Variants in PIN1 observed in about 807,000 individuals in gnomAD.
PIN1 encodes peptidyl-prolyl cis-trans isomerase NIMA-interacting 1.
Under a neutral mutation model 19.9 loss-of-function variants are expected in PIN1, and 8 were observed. The observed-to-expected ratio is 0.40, with a 90% CI of 0.24 to 0.72. The LOEUF is 0.72. PIN1 is among the 30% of genes least tolerant of loss of function. The pLI is 0.37. For missense variants in PIN1, 185 were observed against 226.5 expected, an observed-to-expected ratio of 0.82 and a Z score of 1.18; for synonymous variants, 86 against 90.8, an observed-to-expected ratio of 0.95 and a Z score of 0.30.
chr19:9,843,998 C>T (rs1017551464), intron 2 of PIN1, among the ~76,000 whole-genome samples: 4 of 151,920 alleles, frequency 2.6e-5, no homozygotes, highest in African/African-American at 4.8e-5. Context: ...CACAGTGAGC[C>T]GAGATTGTAC....
In PIN1 at chr19:9,838,035, A is replaced by G. The variant is rs1204119546; in HGVS notation, c.59-401A>G. On this transcript the variant is annotated intron_variant, in intron 1 of 3. Transcript: ENST00000247970. This position sits in a 1 kb window ranked among gnomAD's most constrained non-coding sequence, Gnocchi z 5.8. ...AGGTGAGAACACCAAGGCCCAGGGAAGATATATCACATTTGAACCCAGATT... is the reference window on the plus strand; with the variant it reads ...AGGTGAGAACACCAAGGCCCAGGGAGGATATATCACATTTGAACCCAGATT... 1.3e-5 allele frequency: 4 copies of G among 308,114 alleles called. No homozygotes were observed. The highest frequency in any genetic ancestry group is 1.2e-4 in the South Asian group (4 of 32,956). 19.1% of individuals were successfully genotyped at this position (308,114 alleles called of 1,614,324 possible). A position where few individuals can be genotyped will look rare whatever the true frequency, so the allele number is the denominator to read the frequency against.
rs751440071 is a variant in PIN1, at chr19:9,836,899, A to G, written c.58+1497A>G. 2.6e-5 allele frequency: 33 copies of G among 1,255,044 alleles called. No homozygotes were observed. The East Asian group carries it at 9.5e-4, about 36-fold the overall frequency. 77.7% of individuals were successfully genotyped at this position (1,255,044 alleles called of 1,614,324 possible). A position where few individuals can be genotyped will look rare whatever the true frequency, so the allele number is the denominator to read the frequency against. On this transcript the variant is annotated intron_variant, in intron 1 of 3. Coordinates refer to ENST00000247970, the MANE Select transcript of PIN1 (RefSeq NM_006221.4). ...AGGTGAGGTCTCCGTTTTGCCATCT[A>G]TACAATAGAGATAATAAAGGCTATC...
At chr19:9,847,599 C>T (rs2046231512) in intron 2 of PIN1, among the ~76,000 whole-genome samples, 1 of 152,200 alleles carries the variant, frequency 6.6e-6, no homozygotes, top group Admixed American at 6.5e-5. Flanking sequence ...CCCAGGGGGC[C>T]CGGGGGGCCA....
intron 1 of PIN1, chr19:9,836,736 T>C (rs2062897401): frequency 2.3e-5 from 20 of 868,752 alleles, no homozygotes; most frequent in Non-Finnish European, 3.1e-5. Context: ...TGCAACACCA[T>C]GCACGGTGTA....
chr19:9,848,421 C>T (rs972831699), intron 3 of PIN1: 2 of 455,162 alleles, frequency 4.4e-6, no homozygotes, highest in Non-Finnish European at 8.1e-6. Context: ...CCCAGGCCCA[C>T]CAAGGTGGGT....
At position 9,842,729 on chromosome 19, in the gene PIN1, G is replaced by A. The variant is rs192767755; in HGVS notation, c.271+4081G>A. 2.0e-4 allele frequency among the ~76,000 whole-genome samples: 30 copies of A among 152,336 alleles called. No individual in the cohort carries two copies. In the East Asian group the frequency reaches 4.2e-3, roughly 22 times the overall value. ...AGGTGGCCCCGGCCGAGGTACACTC[G>A]GTAACAGATCATCATGTGCAGTGTC... is the stretch of plus-strand genomic sequence containing the variant. On this transcript the variant is annotated intron_variant, in intron 2 of 3. Transcript: ENST00000247970.
intron 2 of PIN1, among the ~76,000 whole-genome samples, chr19:9,847,550 G>A (rs2046230894): frequency 6.6e-6 from 1 of 152,236 alleles, no homozygotes; most frequent in Non-Finnish European, 1.5e-5. Flanking sequence ...GGCTGCCGTG[G>A]CAGTGCTGGG....
intron 2 of PIN1, among the ~76,000 whole-genome samples, chr19:9,843,018 T>A (rs1274643913): frequency 6.6e-6 from 1 of 152,258 alleles, no homozygotes; most frequent in Non-Finnish European, 1.5e-5. Flanking sequence ...CTGCAGCTGC[T>A]GGGCCACAGC....
In PIN1 at chr19:9,846,060, G is replaced by A. The variant is rs1369156259; in HGVS notation, c.272-1970G>A. 6.6e-6 allele frequency among the ~76,000 whole-genome samples: 1 copy of A among 152,152 alleles called. No homozygotes were observed. Among genetic ancestry groups the A allele is most frequent in the East Asian group, 1.9e-4 (1 of 5,192 alleles). ...GAGATACCTAGAAGTTCAGGGAGAG[G>A]AGGGGTGGGAGGGGGTCCTAGCAAC... is the stretch of plus-strand genomic sequence containing the variant. On this transcript the variant is annotated intron_variant, in intron 2 of 3. Coordinates refer to ENST00000247970, the MANE Select transcript of PIN1 (RefSeq NM_006221.4). The surrounding 1 kb of genome is among the most constrained non-coding windows in gnomAD (Gnocchi z 5.9).
chr19:9,849,440 A>G lies in PIN1; in HGVS notation c.*241A>G. Reference sequence around the variant, plus strand: ...TCTCCCTTAAGGAATTGACTTCAGCAGGGGTGGGAGGCTCCCAGACCCAGG... The same window carrying G: ...TCTCCCTTAAGGAATTGACTTCAGCGGGGGTGGGAGGCTCCCAGACCCAGG... On this transcript the variant is annotated 3_prime_UTR_variant, in exon 4 of 4. Transcript: ENST00000247970. 1 of 734,018 alleles carries G rather than the reference A, an allele frequency of 1.4e-6. No homozygotes were observed. The highest frequency in any genetic ancestry group is 2.6e-5 in the East Asian group (1 of 39,042). 45.5% of individuals were successfully genotyped at this position (734,018 alleles called of 1,614,324 possible).
rs781117286 is a variant in PIN1 at position 9,849,550 on chromosome 19, G to C, written c.*351G>C. On this transcript the variant is annotated 3_prime_UTR_variant, in exon 4 of 4. Transcript: ENST00000247970. Reference sequence around the variant, plus strand: ...CCCCCCAGGTGCTGGAGGCAGACTCGAGGGCCGAATTGTTTCTAGTTAGGC... The same window carrying C: ...CCCCCCAGGTGCTGGAGGCAGACTCCAGGGCCGAATTGTTTCTAGTTAGGC... The C allele has an allele frequency of 3.3e-6, 2 of 601,838 alleles. No individual in the cohort carries two copies. 37.3% of individuals were successfully genotyped at this position (601,838 alleles called of 1,614,324 possible).
At chr19:9,840,823 C>G (rs2046158603) in intron 2 of PIN1, among the ~76,000 whole-genome samples, 1 of 152,146 alleles carries the variant, frequency 6.6e-6, no homozygotes, top group Admixed American at 6.6e-5. Flanking sequence ...TCTCAAACTC[C>G]TGGCCTCAAG....
rs1054320910 is a variant in PIN1, at chr19:9,846,778, C to T, written c.272-1252C>T. 2.6e-5 allele frequency among the ~76,000 whole-genome samples: 4 copies of T among 152,188 alleles called. No individual in the cohort carries two copies. The highest frequency in any genetic ancestry group is 5.9e-5 in the Non-Finnish European group (4 of 68,030). ...TGGGCAAGTTGGCCGGCAGGTGTGT[C>T]ATGGCATCATTTAGGTCAGAAGGAG... On this transcript the variant is annotated intron_variant, in intron 2 of 3. Coordinates refer to ENST00000247970, the MANE Select transcript of PIN1 (RefSeq NM_006221.4). This position sits in a 1 kb window ranked among gnomAD's most constrained non-coding sequence, Gnocchi z 5.9.
In PIN1 at chr19:9,844,940, G is replaced by A. The variant is rs2046204531; in HGVS notation, c.272-3090G>A. 2.0e-5 allele frequency among the ~76,000 whole-genome samples: 3 copies of A among 152,184 alleles called. No homozygotes were observed. The South Asian group carries it at 6.2e-4, about 31-fold the overall frequency. Reference sequence around the variant, plus strand: ...TTCTGAGGGTGCAGCAATGAAGAAGGCCAACCCAGCAGCCTCCATTCCTGC... The same window carrying A: ...TTCTGAGGGTGCAGCAATGAAGAAGACCAACCCAGCAGCCTCCATTCCTGC... On this transcript the variant is annotated intron_variant, in intron 2 of 3. Coordinates refer to ENST00000247970, the MANE Select transcript of PIN1 (RefSeq NM_006221.4).
intron 2 of PIN1, among the ~76,000 whole-genome samples, chr19:9,840,475 G>A (rs192417801): frequency 6.6e-6 from 1 of 152,292 alleles, no homozygotes; most frequent in East Asian, 1.9e-4. Flanking sequence ...CCCAAACCTG[G>A]GCTGTCCCTA....
In PIN1 at chr19:9,838,482, G is replaced by A; in HGVS notation, c.105G>A (p.Glu35=). ...ACATCACTAACGCCAGCCAGTGGGA[G>A]CGGCCCAGCGGCAACAGCAGCAGTG... The part of the protein sequence containing the change: ...FNHITNASQW[E]RPSGNSSSGG... Residue 35 remains glutamate (E), a synonymous_variant, in exon 2 of 4, where the codon GAG becomes GAA. Coordinates refer to ENST00000247970, the MANE Select transcript of PIN1 (RefSeq NM_006221.4). The surrounding 1 kb of genome is among the most constrained non-coding windows in gnomAD (Gnocchi z 5.8). 1 of 1,609,326 alleles carries A rather than the reference G, an allele frequency of 6.2e-7. No homozygotes were observed. Among genetic ancestry groups the A allele is most frequent in the Admixed American group, 1.7e-5 (1 of 59,098 alleles).
At chr19:9,843,569 GT>G (rs2046189759) in intron 2 of PIN1, among the ~76,000 whole-genome samples, 1 of 152,246 alleles carries the variant, frequency 6.6e-6, no homozygotes, top group Non-Finnish European at 1.5e-5. Context: ...TTAAACAACA[GT>G]CATCACTTTC....
chr19:9,835,340 G>A lies in PIN1; in HGVS notation c.-5G>A, dbSNP rs763133550. The A allele has an allele frequency of 7.0e-5, 106 of 1,525,124 alleles. No individual in the cohort carries two copies. The highest frequency in any genetic ancestry group is 9.1e-5 in the Non-Finnish European group (104 of 1,142,468). 94.5% of individuals were successfully genotyped at this position (1,525,124 alleles called of 1,614,324 possible). A position where few individuals can be genotyped will look rare whatever the true frequency, so the allele number is the denominator to read the frequency against. On this transcript the variant is annotated 5_prime_UTR_variant, in exon 1 of 4. Transcript: ENST00000247970. ...GGCGGAGCAGGCGCTGCGGCAGGAG[G>A]GAAGATGGCGGACGAGGAGAAGCTG... is the stretch of plus-strand genomic sequence containing the variant.
chr19:9,845,432 C>T (rs563291939), intron 2 of PIN1, among the ~76,000 whole-genome samples: 8 of 151,484 alleles, frequency 5.3e-5, no homozygotes, highest in Middle Eastern at 3.4e-3. Flanking sequence ...GCTCTTGTTG[C>T]CCACGCTGGA....
Sources: allele counts gnomAD v4.1 joint callset (sites outside exome capture counted in the v4.1 genomes callset), GRCh38; gene constraint gnomAD v4.1.1; non-coding constraint Gnocchi (gnomAD v3.1); transcripts MANE v1.5; gene names NCBI Gene and HGNC (gene_info 2026-07-23, HGNC 2026-07-21).